OPRM1: variants seen among roughly 807,000 people sequenced by gnomAD.
OPRM1 encodes the protein opioid receptor mu 1.
Under a neutral mutation model 31.8 loss-of-function variants are expected in OPRM1, and 27 were observed. The observed-to-expected ratio is 0.85, with a 90% CI of 0.63 to 1.17. The LOEUF (loss-of-function observed/expected upper bound fraction) is 1.17. Among genes scored for constraint, OPRM1 ranks in the 50% most tolerant of loss-of-function variants. OPRM1 has a pLI of 0.00. For synonymous variants in OPRM1, 196 were observed against 189.9 expected (o/e 1.03, Z -0.26); for missense variants, 536 against 511.1 (o/e 1.05, Z -0.47).
At chr6:154,219,985 A>AGTGT (rs57450665) in intron 3 of OPRM1, among the ~76,000 whole-genome samples, 4,878 of 140,048 alleles carry the variant, frequency 0.035, 124 homozygotes, top group African/African-American at 0.079. Flanking sequence ...ACCTGTAAGG[A>AGTGT]GTGTGTGTGT....
chr6:154,152,390 A>AAGAGAG lies in OPRM1; in HGVS notation c.1164+60923_1164+60924insGAGAGA, dbSNP rs1193986554. Among the ~76,000 whole-genome samples, 514 of 126,186 alleles carry AAGAGAG rather than the reference A, an allele frequency of 4.1e-3. 10 individuals carry two copies. The highest frequency in any genetic ancestry group is 0.012 in the African/African-American group (384 of 32,664). 82.8% of individuals were successfully genotyped at this position (126,186 alleles called of 152,430 possible). ...AAAGAAAGAAAGAAAGAAAGAAAGA[A>AAGAGAG]AGAGAAATAGTGTTCAGGTTGTGGT... On this transcript the variant is annotated intron_variant, in intron 3 of 3. Coordinates refer to the OPRM1 transcript ENST00000337049.
At chr6:154,110,886 C>CAAAAAAAAAAAAA (rs374739553) in intron 3 of OPRM1, among the ~76,000 whole-genome samples, 1 of 63,606 alleles carries the variant, frequency 1.6e-5, no homozygotes. Flanking sequence ...GACTCCGTCT[C>CAAAAAAAAAAAAA]AAAAAAAAAA....
chr6:154,219,866 C>T (rs1283541079), intron 3 of OPRM1, among the ~76,000 whole-genome samples: 3 of 152,096 alleles, frequency 2.0e-5, no homozygotes, highest in African/African-American at 2.4e-5. Flanking sequence ...CAGAGCTTCC[C>T]GACTTTCTAC....
intron 3 of OPRM1, among the ~76,000 whole-genome samples, chr6:154,170,361 T>A (rs1799775699): frequency 6.6e-6 from 1 of 152,204 alleles, no homozygotes; most frequent in African/African-American, 2.4e-5. Context: ...GAGAAAAGCA[T>A]ATAATGGTGA....
intron 1 of OPRM1, among the ~76,000 whole-genome samples, chr6:154,079,221 C>G (rs982129453): frequency 6.6e-6 from 1 of 152,202 alleles, no homozygotes; most frequent in African/African-American, 2.4e-5. Flanking sequence ...CACAGGGTGC[C>G]CCAGGGTCCC....
At chr6:154,115,187 G>A (rs1292895713) in intron 3 of OPRM1, among the ~76,000 whole-genome samples, 1 of 152,142 alleles carries the variant, frequency 6.6e-6, no homozygotes, top group Non-Finnish European at 1.5e-5. Context: ...AAGGACCTCG[G>A]AGAACCTAGT....
intron 3 of OPRM1, among the ~76,000 whole-genome samples, chr6:154,239,527 T>A (rs549524264): frequency 1.5e-4 from 23 of 152,322 alleles, no homozygotes; most frequent in African/African-American, 5.5e-4. Context: ...CTTTGATCCA[T>A]GAGTCATTGT....
At chr6:154,143,729 C>G (rs1044397170) in intron 3 of OPRM1, among the ~76,000 whole-genome samples, 1 of 152,130 alleles carries the variant, frequency 6.6e-6, no homozygotes, top group Non-Finnish European at 1.5e-5. Context: ...TTTAAAAGGG[C>G]AAGTTTGGTC....
At chr6:154,221,171 A>G in intron 3 of OPRM1, 1 of 917,670 alleles carries the variant, frequency 1.1e-6, no homozygotes, top group Non-Finnish European at 1.7e-6. Flanking sequence ...AATAATTGAT[A>G]TGGACATATG....
At chr6:154,166,532 C>G (rs1409920849) in intron 3 of OPRM1, among the ~76,000 whole-genome samples, 1 of 152,224 alleles carries the variant, frequency 6.6e-6, no homozygotes, top group Non-Finnish European at 1.5e-5. Flanking sequence ...GATTTCGTGA[C>G]AGTGTTCCTA....
Position 154,243,271 on chromosome 6 carries a change from T to C in OPRM1, c.1165-3422T>C, listed in dbSNP as rs552610942. Among the ~76,000 whole-genome samples, 135 of 152,344 alleles carry C rather than the reference T, an allele frequency of 8.9e-4. 1 individual carries two copies. The highest frequency in any genetic ancestry group is 3.0e-3 in the African/African-American group (125 of 41,570). On this transcript the variant is annotated intron_variant, in intron 3 of 3. Coordinates refer to the OPRM1 transcript ENST00000337049. ...GGGCAAGGGAAAACAAAACTGTGGA[T>C]TTTAAATCCAAGATTTTACCAGCTT...
At chr6:154,146,901 T>TG (rs1342451380) in intron 3 of OPRM1, among the ~76,000 whole-genome samples, 1 of 151,688 alleles carries the variant, frequency 6.6e-6, no homozygotes, top group Non-Finnish European at 1.5e-5. Context: ...GAAAGGAGGG[T>TG]GGGGCGTGGG....
chr6:154,076,845 C>A (rs1043970255), intron 1 of OPRM1, among the ~76,000 whole-genome samples: 10 of 152,192 alleles, frequency 6.6e-5, no homozygotes, highest in African/African-American at 2.4e-4. Context: ...TTCATTGATA[C>A]TTCCGGGTTT....
intron 1 of OPRM1, among the ~76,000 whole-genome samples, chr6:154,031,987 A>T (rs1156529620): frequency 1.3e-5 from 2 of 152,228 alleles, no homozygotes; most frequent in Non-Finnish European, 2.9e-5. Flanking sequence ...GCCAACAAGC[A>T]TGATCAGCAA....
intron 3 of OPRM1, among the ~76,000 whole-genome samples, chr6:154,109,780 CTCTCTCTCTCTCTGTGTGTGTGTGTGTG>C (rs1796118423): frequency 8.6e-6 from 1 of 116,284 alleles, no homozygotes; most frequent in Non-Finnish European, 2.0e-5. Flanking sequence ...CTCTCTCTCT[CTCTCTCTCTCTCTGTGTGTGTGTGTGTG>C]TGTGTGTGTG....
chr6:154,090,094 A>C lies in OPRM1; in HGVS notation c.559A>C (p.Lys187Gln). 6.2e-7 allele frequency: 1 copy of C among 1,614,158 alleles called. No homozygotes were observed. The highest frequency in any genetic ancestry group is 1.3e-5 in the African/African-American group (1 of 75,046). ...AGATTTCCGTACTCCCCGAAATGCC[A>C]AAATTATCAATGTCTGCAACTGGAT... ...ALDFRTPRNA[K>Q]IINVCNWILS... Residue 187 changes from lysine (K) to glutamine (Q), a missense_variant, in exon 2 of 4, where the codon AAA becomes CAA. Coordinates refer to ENST00000330432, the MANE Select transcript of OPRM1 (RefSeq NM_000914.5).
rs1554291319 is a variant in OPRM1 at position 154,192,318 on chromosome 6, C to CTGTGTGCT, written c.1165-54369_1165-54368insCTTGTGTG. Among the ~76,000 whole-genome samples, 3 of 148,030 alleles carry CTGTGTGCT rather than the reference C, an allele frequency of 2.0e-5. No homozygotes were observed. The East Asian group carries it at 6.0e-4, about 30-fold the overall frequency. ...GACCCAAATGGTGGCCACGTGGTTACTGTGTGTGTGTGTGTGTGTGTGTGT... is the reference window on the plus strand; with the variant it reads ...GACCCAAATGGTGGCCACGTGGTTACTGTGTGCTTGTGTGTGTGTGTGTGTGTGTGTGT... On this transcript the variant is annotated intron_variant, in intron 3 of 3. Transcript: ENST00000337049.
intron 1 of OPRM1, among the ~76,000 whole-genome samples, chr6:154,043,040 A>G (rs1780391626): frequency 6.6e-6 from 1 of 152,180 alleles, no homozygotes; most frequent in Non-Finnish European, 1.5e-5. Flanking sequence ...AAAAACTAAT[A>G]TAATCCCAGA....
At chr6:154,193,719 A>G (rs566986251) in intron 3 of OPRM1, among the ~76,000 whole-genome samples, 1 of 152,320 alleles carries the variant, frequency 6.6e-6, no homozygotes, top group South Asian at 2.1e-4. Flanking sequence ...TAAGCAAAAC[A>G]AACACTTCGG....
Sources: gnomAD v4.1 joint callset for allele counts (sites outside exome capture counted in the v4.1 genomes callset) on GRCh38, gnomAD v4.1.1 for gene constraint, MANE v1.5 for transcripts, NCBI Gene and HGNC (gene_info 2026-07-23, HGNC 2026-07-21) for gene names.